TSPAN16: variants seen among roughly 807,000 people sequenced by gnomAD.
The protein encoded by TSPAN16 is tetraspanin 16.
A neutral mutation model predicts 25.2 loss-of-function variants in TSPAN16; 23 were observed. The ratio of observed to expected loss-of-function variants is 0.91; its 90% CI spans 0.66 to 1.29. TSPAN16 has a LOEUF of 1.29. Ranked by LOEUF, TSPAN16 falls within the 50% of genes most tolerant of loss-of-function variation. The pLI, the probability that TSPAN16 is intolerant of heterozygous loss-of-function variation, is 0.00. For missense variants in TSPAN16, 272 were observed against 299.9 expected (o/e 0.91, Z 0.69); for synonymous variants, 123 against 124.4 (o/e 0.99, Z 0.08).
intron 6 of TSPAN16, chr19:11,323,813 G>C (rs1486372943): frequency 3.3e-5 from 5 of 152,224 alleles, no homozygotes; most frequent in Non-Finnish European, 7.3e-5. Context: ...CAGGGACGTG[G>C]GAACATAAAA....
intron 6 of TSPAN16, chr19:11,323,910 G>C (rs2080795881): frequency 6.6e-6 from 1 of 152,252 alleles, no homozygotes; most frequent in African/African-American, 2.4e-5. Flanking sequence ...TGCGCCCCTA[G>C]AGTTTGGAAT....
chr19:11,316,401 T>C (rs1465670765), downstream of TSPAN16, among the ~76,000 whole-genome samples: 4 of 152,096 alleles, frequency 2.6e-5, no homozygotes, highest in Non-Finnish European at 5.9e-5. Flanking sequence ...ATTACAGGTG[T>C]AAGCCACTGC....
intron 1 of TSPAN16, among the ~76,000 whole-genome samples, 180 bp from the exon 2 acceptor site, chr19:11,297,962 T>TTG (rs903958161): frequency 7.9e-5 from 12 of 151,460 alleles, no homozygotes; most frequent in African/African-American, 2.9e-4. Context: ...CTATTTTTTT[T>TTG]TTGTTGGGGA....
intron 1 of TSPAN16, among the ~76,000 whole-genome samples, chr19:11,296,883 C>A (rs1395754557): frequency 6.6e-6 from 1 of 151,658 alleles, no homozygotes; most frequent in African/African-American, 2.4e-5. Context: ...ACTAAAAATA[C>A]AAAAAAATTA....
chr19:11,325,483 T>G, intron 6 of TSPAN16: 1 of 1,613,312 alleles, frequency 6.2e-7, no homozygotes, highest in Non-Finnish European at 8.5e-7. Context: ...GGAGCTGGGT[T>G]CCAGGGACTC....
intron 6 of TSPAN16, among the ~76,000 whole-genome samples, chr19:11,325,868 G>T (rs1291918592): frequency 6.6e-6 from 1 of 152,170 alleles, no homozygotes; most frequent in Non-Finnish European, 1.5e-5. Flanking sequence ...GAGGCCAGGA[G>T]TTCAAGACCA....
At chr19:11,317,822 CAA>C (rs56013789), downstream of TSPAN16, among the ~76,000 whole-genome samples, 13 of 128,914 alleles carry the variant, frequency 1.0e-4, no homozygotes, top group Admixed American at 2.4e-4. Flanking sequence ...TACACTGTCT[CAA>C]AAAAAAAAAA....
chr19:11,321,686 G>A (rs1163206363), intron 6 of TSPAN16, among the ~76,000 whole-genome samples: 1 of 152,136 alleles, frequency 6.6e-6, no homozygotes, highest in Non-Finnish European at 1.5e-5. Flanking sequence ...GTAGGGAAGG[G>A]ATGGATCAGA....
intron 5 of TSPAN16, among the ~76,000 whole-genome samples, chr19:11,310,247 C>T (rs1476836690): frequency 2.6e-5 from 4 of 152,084 alleles, no homozygotes; most frequent in Admixed American, 6.6e-5. Flanking sequence ...GGAAGAAGGC[C>T]GGGTGTGGTG....
chr19:11,296,602 T>C (rs2080480881), intron 1 of TSPAN16, among the ~76,000 whole-genome samples: 1 of 152,024 alleles, frequency 6.6e-6, no homozygotes, highest in Non-Finnish European at 1.5e-5. Context: ...CCCAGGTGGG[T>C]GATGGAAGAG....
At chr19:11,299,511 T>C (rs1228638751) in intron 3 of TSPAN16, among the ~76,000 whole-genome samples, 6 of 152,192 alleles carry the variant, frequency 3.9e-5, no homozygotes, top group Admixed American at 3.9e-4. Flanking sequence ...CAGAAGTGTT[T>C]GCATATTGAT....
chr19:11,311,889 G>A (rs1278888687), intron 5 of TSPAN16, among the ~76,000 whole-genome samples: 1 of 152,154 alleles, frequency 6.6e-6, no homozygotes, highest in Non-Finnish European at 1.5e-5. Flanking sequence ...TGGAACATTA[G>A]CACAGACAAG....
intron 4 of TSPAN16, among the ~76,000 whole-genome samples, chr19:11,301,905 C>A (rs1247354534): frequency 6.6e-6 from 1 of 151,272 alleles, no homozygotes; most frequent in East Asian, 2.0e-4. Flanking sequence ...CTCACTGCAA[C>A]CTCCACCTCC....
At chr19:11,304,871 G>A (rs554384290) in intron 4 of TSPAN16, among the ~76,000 whole-genome samples, 3 of 152,030 alleles carry the variant, frequency 2.0e-5, no homozygotes, top group Non-Finnish European at 2.9e-5. Context: ...GGCTGGTCTC[G>A]AACTCCTGGG....
chr19:11,315,731 A>G, intron 6 of TSPAN16, 60 bp from the exon 7 acceptor site: 1 of 1,197,004 alleles, frequency 8.4e-7, no homozygotes, highest in Non-Finnish European at 1.0e-6. Flanking sequence ...TAACTCCAGT[A>G]TGATTCTGGT....
chr19:11,296,311 A>T lies in TSPAN16; in HGVS notation c.14A>T (p.His5Leu). Residue 5 changes from histidine (H) to leucine (L), a missense_variant, in exon 1 of 7, where the codon CAC becomes CTC. Physicochemically the swap from His to Leu is moderately conservative, Grantham distance 99. Coordinates refer to ENST00000590327, the MANE Select transcript of TSPAN16 (RefSeq NM_001282509.2). MAEI[H>L]TPYSSLKKLL... Reference sequence around the variant, plus strand: ...AGTCTGTTCAGCATGGCTGAAATCCACACTCCGTATTCTTCCTTGAAGAAA... The same window carrying T: ...AGTCTGTTCAGCATGGCTGAAATCCTCACTCCGTATTCTTCCTTGAAGAAA... The T allele has an allele frequency of 6.2e-7, 1 of 1,614,152 alleles. No individual in the cohort carries two copies. Among genetic ancestry groups the T allele is most frequent in the Non-Finnish European group, 8.5e-7 (1 of 1,180,034 alleles).
chr19:11,322,218 G>A (rs1044962915), intron 6 of TSPAN16: 9 of 152,112 alleles, frequency 5.9e-5, no homozygotes, highest in Non-Finnish European at 1.3e-4. Flanking sequence ...TCATCAGGGA[G>A]GAGCCGGTAG....
chr19:11,296,387 G>A, intron 1 of TSPAN16, 21 bp downstream of exon 1: 1 of 1,613,348 alleles, frequency 6.2e-7, no homozygotes, highest in South Asian at 1.1e-5. Flanking sequence ...CACAATCCAG[G>A]CCCCTGGTTT....
chr19:11,305,082 C>A (rs759298031), intron 4 of TSPAN16, among the ~76,000 whole-genome samples: 1 of 152,192 alleles, frequency 6.6e-6, no homozygotes, highest in East Asian at 1.9e-4. Context: ...CTGCAACTGG[C>A]TGATGCCTTT....
Sources: allele counts gnomAD v4.1 joint callset (sites outside exome capture counted in the v4.1 genomes callset), GRCh38; gene constraint gnomAD v4.1.1; transcripts MANE v1.5; gene names NCBI Gene and HGNC (gene_info 2026-07-23, HGNC 2026-07-21).